Variants in GRIA1 observed in about 807,000 individuals in gnomAD.
GRIA1 encodes glutamate receptor 1.
Under a neutral mutation model 99.2 loss-of-function variants are expected in GRIA1, and 31 were observed. The observed-to-expected ratio is 0.31, with a 90% CI of 0.23 to 0.42. GRIA1 has a LOEUF of 0.42. GRIA1 is among the 10% of genes least tolerant of loss of function. GRIA1 has a pLI of 1.00. For missense variants in GRIA1, 782 were observed against 1,157.5 expected, an observed-to-expected ratio of 0.68 and a Z score of 4.71; for synonymous variants, 438 against 432.4, an observed-to-expected ratio of 1.01 and a Z score of -0.16.
intron 2 of GRIA1, among the ~76,000 whole-genome samples, chr5:153,590,458 G>C (rs187100357): frequency 1.5e-4 from 23 of 151,464 alleles, no homozygotes; most frequent in Non-Finnish European, 2.2e-4. Flanking sequence ...AGTCCTGTGA[G>C]TATTGTTGAT....
intron 2 of GRIA1, among the ~76,000 whole-genome samples, chr5:153,550,207 A>G (rs986295619): frequency 1.3e-5 from 2 of 151,830 alleles, no homozygotes; most frequent in African/African-American, 2.4e-5. Flanking sequence ...TTAGGGGTAT[A>G]TAGATATGCT....
intron 2 of GRIA1, among the ~76,000 whole-genome samples, chr5:153,591,729 G>A (rs1257258843): frequency 6.6e-6 from 1 of 152,158 alleles, no homozygotes; most frequent in Non-Finnish European, 1.5e-5. Context: ...TAAGAAGCAA[G>A]GAAGGCATTT....
intron 11 of GRIA1, among the ~76,000 whole-genome samples, chr5:153,745,178 G>A (rs1030279719): frequency 2.0e-5 from 3 of 151,948 alleles, no homozygotes; most frequent in South Asian, 2.1e-4. Context: ...CTCAACCTTC[G>A]GCTCTCCGCT....
chr5:153,701,663 G>GTGA (rs1758541165), intron 10 of GRIA1, among the ~76,000 whole-genome samples: 1 of 111,170 alleles, frequency 9.0e-6, no homozygotes, highest in Non-Finnish European at 1.9e-5. Context: ...TGAAGACTCT[G>GTGA]TGATGGCCCC....
chr5:153,494,747 G>A (rs1033139726), intron 2 of GRIA1, among the ~76,000 whole-genome samples: 14 of 152,148 alleles, frequency 9.2e-5, no homozygotes, highest in African/African-American at 2.9e-4. Context: ...AGTTTTCCTG[G>A]CAACTAGGAA....
At chr5:153,630,199 G>A (rs1384588961) in intron 2 of GRIA1, among the ~76,000 whole-genome samples, 2 of 152,120 alleles carry the variant, frequency 1.3e-5, no homozygotes, top group South Asian at 4.1e-4. Flanking sequence ...TAGCATTAAA[G>A]TGCTCAGTAT....
chr5:153,623,370 T>C (rs539504515), intron 2 of GRIA1, among the ~76,000 whole-genome samples: 1 of 152,184 alleles, frequency 6.6e-6, no homozygotes, highest in African/African-American at 2.4e-5. Context: ...TTCTTATTCA[T>C]GTAAGAGTGT....
intron 2 of GRIA1, among the ~76,000 whole-genome samples, chr5:153,542,197 C>A (rs186102009): frequency 2.4e-4 from 37 of 152,242 alleles, no homozygotes; most frequent in African/African-American, 7.7e-4. Context: ...TAGCTCTAAC[C>A]AAACTTTCCC....
At chr5:153,749,031 A>G (rs1192545135) in intron 11 of GRIA1, among the ~76,000 whole-genome samples, 1 of 152,166 alleles carries the variant, frequency 6.6e-6, no homozygotes, top group Non-Finnish European at 1.5e-5. Context: ...CTGAGGCTTG[A>G]GCTTTGGGCA....
At chr5:153,538,728 C>T (rs1758808330) in intron 2 of GRIA1, among the ~76,000 whole-genome samples, 1 of 152,190 alleles carries the variant, frequency 6.6e-6, no homozygotes, top group African/African-American at 2.4e-5. Context: ...GTTAGCACAA[C>T]ATGTCCCTAT....
At chr5:153,788,494 C>A (rs1581658808) in intron 13 of GRIA1, among the ~76,000 whole-genome samples, 2 of 152,312 alleles carry the variant, frequency 1.3e-5, no homozygotes, top group South Asian at 2.1e-4. Flanking sequence ...AGAGTCCCTG[C>A]CAGCCTCTCC....
At chr5:153,521,573 A>G (rs1757145599) in intron 2 of GRIA1, among the ~76,000 whole-genome samples, 1 of 152,200 alleles carries the variant, frequency 6.6e-6, no homozygotes, top group Non-Finnish European at 1.5e-5. Context: ...GGACAGAACC[A>G]TCCTCGGTGG....
In GRIA1 at chr5:153,705,685, TTTTTTTTTC is replaced by T; in HGVS notation, c.1453-11_1453-3del. On this transcript the variant is annotated splice_polypyrimidine_tract_variant and splice_region_variant and intron_variant, in intron 10 of 15. Transcript: ENST00000285900. The stretch of plus-strand genomic sequence containing the variant: ...GCATTTTTTTTTTTTTTTTTTTTTT[TTTTTTTTTC>T]AGAGAGCAGATGTGGCTGTGGCTCC... 8.4e-7 allele frequency: 1 copy of T among 1,191,620 alleles called. No individual in the cohort carries two copies. The highest frequency in any genetic ancestry group is 4.2e-5 in the South Asian group (1 of 23,852). 73.8% of individuals were successfully genotyped at this position (1,191,620 alleles called of 1,614,324 possible).
At chr5:153,508,029 C>T (rs1351563141) in intron 2 of GRIA1, among the ~76,000 whole-genome samples, 5 of 152,340 alleles carry the variant, frequency 3.3e-5, no homozygotes, top group Non-Finnish European at 4.4e-5. Flanking sequence ...AACCAGCAAA[C>T]TCCCTGTACC....
chr5:153,528,206 A>C (rs1757784573), intron 2 of GRIA1, among the ~76,000 whole-genome samples: 1 of 152,236 alleles, frequency 6.6e-6, no homozygotes, highest in South Asian at 2.1e-4. Flanking sequence ...CTCAAATAAA[A>C]GAAACATTGC....
intron 2 of GRIA1, among the ~76,000 whole-genome samples, chr5:153,547,563 T>G (rs1327848661): frequency 6.6e-6 from 1 of 152,152 alleles, no homozygotes; most frequent in African/African-American, 2.4e-5. Context: ...AACACTTCTC[T>G]CCCCTATTTA....
rs146325409 is a variant in GRIA1 at position 153,530,728 on chromosome 5, T to C, written c.220+36663T>C. Among the ~76,000 whole-genome samples the C allele has an allele frequency of 6.1e-3, 933 of 152,352 alleles. 8 individuals carry two copies. The highest frequency in any genetic ancestry group is 0.021 in the African/African-American group (888 of 41,590). ...CTATGTCCTTGAGGGCTGCCCTCTC[T>C]GGTAAGGAGCCTTCTTTCTGGGCAG... On this transcript the variant is annotated intron_variant, in intron 2 of 15. Coordinates refer to ENST00000285900, the MANE Select transcript of GRIA1 (RefSeq NM_000827.4).
chr5:153,758,257 G>A (rs1011863434), intron 11 of GRIA1, among the ~76,000 whole-genome samples: 15 of 152,030 alleles, frequency 9.9e-5, no homozygotes, highest in South Asian at 2.1e-4. Context: ...AAGACATAGC[G>A]TGGCTGAATT....
chr5:153,713,065 G>A (rs543868017), intron 11 of GRIA1, among the ~76,000 whole-genome samples: 1 of 152,302 alleles, frequency 6.6e-6, no homozygotes, highest in East Asian at 1.9e-4. Flanking sequence ...AGCTAGAAAT[G>A]ATGCTGAGTC....
Sources: allele counts gnomAD v4.1 joint callset (sites outside exome capture counted in the v4.1 genomes callset), GRCh38; gene constraint gnomAD v4.1.1; transcripts MANE v1.5; gene names NCBI Gene and HGNC (gene_info 2026-07-23, HGNC 2026-07-21).